Variants in KLC1 observed in about 807,000 individuals in gnomAD.
The protein encoded by KLC1 is kinesin light chain 1, also known as kinesin 2 60/70kDa.
KLC1 carries 30 observed loss-of-function variants against 84.2 expected under a neutral mutation model. The observed-to-expected ratio is 0.36, with a 90% CI of 0.27 to 0.48. The LOEUF (loss-of-function observed/expected upper bound fraction) is 0.48, where lower values mean the gene tolerates loss of function less well. KLC1 is among the 20% of genes least tolerant of loss of function. The probability of loss-of-function intolerance (pLI) is 0.99; values close to 1 mark genes in which losing one functional copy is unlikely to be tolerated. For missense variants in KLC1, 499 were observed against 805.4 expected (o/e 0.62, Z 4.60); for synonymous variants, 289 against 293.3 (o/e 0.99, Z 0.15).
chr14:103,675,833 A>G, intron 11 of KLC1, 77 bp downstream of exon 11: 1 of 1,201,472 alleles, frequency 8.3e-7, no homozygotes, highest in Non-Finnish European at 1.2e-6. Context: ...GGCAGCTTAT[A>G]AATGACCAAT....
intron 3 of KLC1, among the ~76,000 whole-genome samples, chr14:103,659,208 C>T (rs1241806366): frequency 2.1e-5 from 3 of 145,794 alleles, no homozygotes; most frequent in Admixed American, 6.8e-5. Flanking sequence ...CAGGTCATCC[C>T]CCCGCCTCGG....
Position 103,694,895 on chromosome 14 carries a change from T to C in KLC1, c.1848+2470T>C, listed in dbSNP as rs1172203469. 3 of 985,360 alleles carry C rather than the reference T, an allele frequency of 3.0e-6. No individual in the cohort carries two copies. In the African/African-American group the frequency reaches 5.2e-5, roughly 17 times the overall value. 61.0% of individuals were successfully genotyped at this position (985,360 alleles called of 1,614,324 possible). A position where few individuals can be genotyped will look rare whatever the true frequency, so the allele number is the denominator to read the frequency against. ...ATCCCGCCTCATGTCGCAGGACTGC[T>C]GTGTTTGTGAAAGCGCGTTTGTTTC... On this transcript the variant is annotated intron_variant, in intron 15 of 16. Coordinates refer to ENST00000334553, the MANE Select transcript of KLC1 (RefSeq NM_001394837.1). This position sits in a 1 kb window ranked among gnomAD's most constrained non-coding sequence, Gnocchi z 4.5.
At chr14:103,684,826 T>C (rs2081648894) in intron 13 of KLC1, 1 of 634,852 alleles carries the variant, frequency 1.6e-6, no homozygotes, top group East Asian at 2.8e-5. Context: ...TACTGTAGTG[T>C]AGCGCTGAGT....
intron 9 of KLC1, among the ~76,000 whole-genome samples, chr14:103,673,863 C>T (rs2080640007): frequency 6.6e-6 from 1 of 151,778 alleles, no homozygotes; most frequent in South Asian, 2.1e-4. Context: ...GCGGATCTTG[C>T]AGTGAGCCGA....
At chr14:103,635,300 C>T (rs572199683) in intron 1 of KLC1, among the ~76,000 whole-genome samples, 1 of 152,158 alleles carries the variant, frequency 6.6e-6, no homozygotes, top group Non-Finnish European at 1.5e-5. Flanking sequence ...TAAAACTGAT[C>T]AGAGTGATGT....
intron 15 of KLC1, chr14:103,696,786 G>A (rs1172644888): frequency 8.1e-6 from 8 of 985,448 alleles, no homozygotes; most frequent in Non-Finnish European, 9.6e-6. Context: ...GTCAGGGCGC[G>A]TGGTCCCTGA....
intron 4 of KLC1, 126 bp from the exon 5 acceptor site, chr14:103,662,576 G>T: frequency 1.4e-6 from 1 of 739,566 alleles, no homozygotes; most frequent in Non-Finnish European, 2.2e-6. Context: ...ACTAGGAAAA[G>T]ATTTAAATAG....
intron 5 of KLC1, among the ~76,000 whole-genome samples, chr14:103,669,121 T>C (rs1338586070): frequency 1.3e-5 from 2 of 151,782 alleles, no homozygotes; most frequent in African/African-American, 4.8e-5. Flanking sequence ...TTTATTTCTG[T>C]AGTTGAAAAT....
chr14:103,674,990 A>T (rs2080757121), intron 9 of KLC1, among the ~76,000 whole-genome samples: 1 of 152,122 alleles, frequency 6.6e-6, no homozygotes, highest in African/African-American at 2.4e-5. Flanking sequence ...GTGTGAACCT[A>T]ATCTGTCCAT....
At chr14:103,679,077 C>T (rs761312698) in intron 12 of KLC1, among the ~76,000 whole-genome samples, 2 of 152,084 alleles carry the variant, frequency 1.3e-5, no homozygotes, top group Non-Finnish European at 2.9e-5. Flanking sequence ...GATGGCTTAT[C>T]TAAAAGTTAA....
intron 3 of KLC1, among the ~76,000 whole-genome samples, 187 bp downstream of exon 3, chr14:103,657,963 G>A (rs891440688): frequency 2.0e-5 from 3 of 152,160 alleles, no homozygotes; most frequent in Non-Finnish European, 4.4e-5. Context: ...GGTCTGCCCC[G>A]AGGTCTGTCC....
chr14:103,682,202 C>T (rs1320965152), intron 13 of KLC1, among the ~76,000 whole-genome samples: 1 of 151,918 alleles, frequency 6.6e-6, no homozygotes, highest in East Asian at 1.9e-4. Context: ...AACCCCCTCT[C>T]TACTAAAAAT....
At chr14:103,675,501 G>C (rs753170302) in intron 9 of KLC1, 51 bp from the exon 10 acceptor site, 1 of 1,518,296 alleles carries the variant, frequency 6.6e-7, no homozygotes, top group Non-Finnish European at 9.1e-7. Flanking sequence ...TTCAGATTTT[G>C]GAGTTTTGGA....
intron 3 of KLC1, among the ~76,000 whole-genome samples, chr14:103,659,206 C>T (rs2079086359): frequency 6.6e-6 from 1 of 151,966 alleles, no homozygotes; most frequent in South Asian, 2.1e-4. Flanking sequence ...CTCAGGTCAT[C>T]CCCCCGCCTC....
intron 15 of KLC1, chr14:103,699,291 T>C (rs531515916): frequency 8.2e-5 from 126 of 1,544,632 alleles, no homozygotes; most frequent in Middle Eastern, 6.9e-4. Context: ...CCGCCCCACC[T>C]CCAGACCGGC....
Position 103,670,286 on chromosome 14 carries a change from A to G in KLC1, c.987+3A>G, listed in dbSNP as rs770170249. 1.9e-6 allele frequency: 3 copies of G among 1,605,616 alleles called. No homozygotes were observed. The Admixed American group carries it at 5.0e-5, about 27-fold the overall frequency. ...GAGCTCTGGAAATCCGAGAAAAGGTACAAAAGAAGGGGGCAGTCGTTTTCT... is the reference window on the plus strand; with the variant it reads ...GAGCTCTGGAAATCCGAGAAAAGGTGCAAAAGAAGGGGGCAGTCGTTTTCT... On this transcript the variant is annotated splice_donor_region_variant and intron_variant, in intron 7 of 16. Coordinates refer to ENST00000334553, the MANE Select transcript of KLC1 (RefSeq NM_001394837.1).
In KLC1 at chr14:103,673,464, A is replaced by G. The variant is rs766682685; in HGVS notation, c.1261+33A>G. 5.9e-6 allele frequency: 8 copies of G among 1,347,978 alleles called. No individual in the cohort carries two copies. The Admixed American group carries it at 1.7e-4, about 28-fold the overall frequency. The allele number at this position is 1,347,978 out of a possible 1,614,324, so 83.5% of individuals were successfully genotyped here. A position where few individuals can be genotyped will look rare whatever the true frequency, so the allele number is the denominator to read the frequency against. On this transcript the variant is annotated intron_variant, in intron 9 of 16. Transcript: ENST00000334553. ...ATATACTCCCGTTTCAAGTGAATTT[A>G]ATTGTATAATGACTTGACTAATAGT...
intron 5 of KLC1, among the ~76,000 whole-genome samples, 153 bp from the exon 6 acceptor site, chr14:103,669,358 C>G (rs113264469): frequency 1.3e-5 from 2 of 151,602 alleles, no homozygotes; most frequent in African/African-American, 2.4e-5. Context: ...TGCTTGAACC[C>G]GTGAGGCGGA....
At chr14:103,630,804 A>C (rs537278750) in intron 1 of KLC1, among the ~76,000 whole-genome samples, 1 of 152,292 alleles carries the variant, frequency 6.6e-6, no homozygotes, top group South Asian at 2.1e-4. Context: ...GAGGGTAGGC[A>C]CTCTAAAGAG....
Sources: gnomAD v4.1 joint callset for allele counts (sites outside exome capture counted in the v4.1 genomes callset) on GRCh38, gnomAD v4.1.1 for gene constraint, Gnocchi (gnomAD v3.1) non-coding constraint, MANE v1.5 for transcripts, NCBI Gene and HGNC (gene_info 2026-07-23, HGNC 2026-07-21) for gene names.